The following IKZF2 variants were observed in gnomAD, a reference collection of about 807,000 sequenced individuals.
IKZF2 encodes the protein zinc finger protein Helios.
In IKZF2, 15 loss-of-function variants were observed where a neutral mutation model predicts 49.2. The observed-to-expected ratio is 0.30, with a 90% CI of 0.20 to 0.47. The LOEUF (loss-of-function observed/expected upper bound fraction) is 0.47. Among genes scored for constraint, IKZF2 ranks in the 20% least tolerant of loss-of-function variants. The probability of loss-of-function intolerance (pLI) is 1.00; values close to 1 mark genes in which losing one functional copy is unlikely to be tolerated. For synonymous variants in IKZF2, 227 were observed against 221.4 expected (o/e 1.03, Z -0.23); for missense variants, 567 against 664.6 (o/e 0.85, Z 1.61).
chr2:213,013,964 G>A, intron 7 of IKZF2, 30 bp from the exon 8 acceptor site: 1 of 1,602,700 alleles, frequency 6.2e-7, no homozygotes, highest in Non-Finnish European at 8.5e-7. Context: ...AATGCAATCT[G>A]ATAATTTCTT....
rs117484854 is a variant in IKZF2, at chr2:213,144,584, T to C, written c.139+3124A>G. On this transcript the variant is annotated intron_variant, in intron 4 of 8. Transcript: ENST00000434687. ...TATTTTTATATTGTTCTGTCTGAGA[T>C]GTCTGTCTCAGATTCTTAAGTCCCA... 1.8e-3 allele frequency among the ~76,000 whole-genome samples: 270 copies of C among 152,008 alleles called. 1 individual carries two copies. The East Asian group carries it at 0.026, about 14-fold the overall frequency.
intron 4 of IKZF2, among the ~76,000 whole-genome samples, chr2:213,105,617 C>G (rs1426892148): frequency 6.6e-6 from 1 of 151,900 alleles, no homozygotes; most frequent in African/African-American, 2.4e-5. Context: ...CAGTATATTA[C>G]ATTTTTTTCC....
At chr2:213,024,717 T>C (rs1004660067) in intron 6 of IKZF2, among the ~76,000 whole-genome samples, 3 of 152,228 alleles carry the variant, frequency 2.0e-5, no homozygotes, top group African/African-American at 7.2e-5. Flanking sequence ...ATTCTGCCCT[T>C]ACTACTCCTT....
chr2:213,137,257 A>G (rs182827855), intron 4 of IKZF2, among the ~76,000 whole-genome samples: 1 of 152,134 alleles, frequency 6.6e-6, no homozygotes, highest in East Asian at 1.9e-4. Flanking sequence ...AAAATCTCAT[A>G]TTTCTTTTTA....
upstream of IKZF2, among the ~76,000 whole-genome samples, chr2:213,151,834 CGT>C (rs1216787310): frequency 6.7e-6 from 1 of 149,138 alleles, no homozygotes. Context: ...AGCGCCTGTG[CGT>C]GTGTGTATGA....
At chr2:213,129,577 C>T (rs1171391398) in intron 4 of IKZF2, among the ~76,000 whole-genome samples, 2 of 151,838 alleles carry the variant, frequency 1.3e-5, no homozygotes, top group Non-Finnish European at 2.9e-5. Flanking sequence ...GCCTTTAGGA[C>T]CTTACAGACT....
chr2:213,096,984 G>T (rs189977019), intron 4 of IKZF2, among the ~76,000 whole-genome samples: 239 of 151,788 alleles, frequency 1.6e-3, no homozygotes, highest in Middle Eastern at 6.8e-3. Context: ...AATTTGTCGC[G>T]TTAATTATTA....
chr2:213,134,141 C>G (rs1472904654), intron 4 of IKZF2, among the ~76,000 whole-genome samples: 1 of 152,076 alleles, frequency 6.6e-6, no homozygotes, highest in African/African-American at 2.4e-5. Flanking sequence ...CTTCTGGAAC[C>G]CTCAGTGCCT....
chr2:213,043,341 A>G, intron 6 of IKZF2, among the ~76,000 whole-genome samples: 1 of 152,210 alleles, frequency 6.6e-6, no homozygotes, highest in Non-Finnish European at 1.5e-5. Flanking sequence ...AACCTACTAA[A>G]TGAAAATCAA....
chr2:213,036,112 G>T (rs1301945862), intron 6 of IKZF2, among the ~76,000 whole-genome samples: 3 of 152,094 alleles, frequency 2.0e-5, no homozygotes, highest in Non-Finnish European at 4.4e-5. Context: ...CAAGCCTCAT[G>T]ATAGATTTTT....
At chr2:213,051,543 A>G (rs1700674519) in intron 5 of IKZF2, among the ~76,000 whole-genome samples, 1 of 152,082 alleles carries the variant, frequency 6.6e-6, no homozygotes, top group African/African-American at 2.4e-5. Context: ...AAAGTCTTCC[A>G]ACATAAGGTT....
At chr2:213,057,454 A>G (rs1701269442) in intron 4 of IKZF2, among the ~76,000 whole-genome samples, 1 of 152,152 alleles carries the variant, frequency 6.6e-6, no homozygotes, top group Non-Finnish European at 1.5e-5. Context: ...TATGGAAGAA[A>G]CAAGATTAAA....
intron 6 of IKZF2, among the ~76,000 whole-genome samples, chr2:213,026,942 A>T (rs1162806922): frequency 2.6e-5 from 4 of 151,934 alleles, no homozygotes; most frequent in Admixed American, 6.6e-5. Context: ...GTTAATGATT[A>T]TTTTTCTTTT....
At chr2:213,060,531 T>C (rs910786841) in intron 4 of IKZF2, among the ~76,000 whole-genome samples, 1 of 151,538 alleles carries the variant, frequency 6.6e-6, no homozygotes, top group East Asian at 1.9e-4. Context: ...ACTTGTTCAT[T>C]TGAGTAAAAT....
At chr2:213,098,346 T>C (rs980616688) in intron 4 of IKZF2, among the ~76,000 whole-genome samples, 2 of 152,064 alleles carry the variant, frequency 1.3e-5, no homozygotes, top group Non-Finnish European at 2.9e-5. Context: ...AATCTCCTCC[T>C]GGAATCAAAA....
intron 6 of IKZF2, among the ~76,000 whole-genome samples, chr2:213,027,930 T>C (rs1426866998): frequency 6.6e-6 from 1 of 152,108 alleles, no homozygotes; most frequent in Non-Finnish European, 1.5e-5. Context: ...GTGTCTGTAC[T>C]ATATATAATA....
intron 4 of IKZF2, among the ~76,000 whole-genome samples, chr2:213,087,544 T>C (rs940610637): frequency 2.6e-5 from 4 of 152,140 alleles, no homozygotes; most frequent in African/African-American, 9.7e-5. Context: ...GTGCACAACA[T>C]GCAGGTTTGT....
chr2:213,073,654 G>A (rs953190525), intron 4 of IKZF2, among the ~76,000 whole-genome samples: 6 of 152,178 alleles, frequency 3.9e-5, no homozygotes, highest in African/African-American at 1.4e-4. Context: ...AATCAGGGAA[G>A]TGAAAGCCAT....
At chr2:213,141,743 T>C (rs990842109) in intron 4 of IKZF2, among the ~76,000 whole-genome samples, 3 of 151,972 alleles carry the variant, frequency 2.0e-5, no homozygotes, top group Non-Finnish European at 4.4e-5. Flanking sequence ...TTAATGTCTG[T>C]CTGTCCCACT....
Sources: gnomAD v4.1 joint callset for allele counts (sites outside exome capture counted in the v4.1 genomes callset) on GRCh38, gnomAD v4.1.1 for gene constraint, MANE v1.5 for transcripts, NCBI Gene and HGNC (gene_info 2026-07-23, HGNC 2026-07-21) for gene names.